The following ABCC9 variants were observed in gnomAD, a reference collection of about 807,000 sequenced individuals.
The protein encoded by ABCC9 is ATP-binding cassette sub-family C member 9.
A neutral mutation model predicts 188.3 loss-of-function variants in ABCC9; 95 were observed. The ratio of observed to expected loss-of-function variants is 0.50; its 90% CI spans 0.43 to 0.60. The LOEUF (loss-of-function observed/expected upper bound fraction) is 0.60. ABCC9 is among the 20% of genes least tolerant of loss of function. ABCC9 has a pLI of 0.00. For synonymous variants in ABCC9, 659 were observed against 652.7 expected (o/e 1.01, Z -0.15); for missense variants, 1,102 against 1,876.3 (o/e 0.59, Z 7.62).
In ABCC9 at chr12:21,926,069, A is replaced by G; in HGVS notation, c.285-6T>C. The G allele has an allele frequency of 6.2e-7, 1 of 1,614,066 alleles. No individual in the cohort carries two copies. The highest frequency in any genetic ancestry group is 1.1e-5 in the South Asian group (1 of 91,078). On this transcript the variant is annotated splice_polypyrimidine_tract_variant and splice_region_variant and intron_variant, in intron 4 of 39. Transcript: ENST00000261200. ...GGTGCCTTGATTCCCGCCGCCTAGA[A>G]AGAGCAGTACGTCAACGCCTAAAGC...
rs548990687 is a variant in ABCC9 at position 21,855,211 on chromosome 12, T to A, written c.2506-2706A>T. Reference sequence around the variant, plus strand: ...TTGACTGTCCATAAAATTCTGATATTTATTTATTTATTTATTTATTTATTT... The same window carrying A: ...TTGACTGTCCATAAAATTCTGATATATATTTATTTATTTATTTATTTATTT... On this transcript the variant is annotated intron_variant, in intron 22 of 39. Transcript: ENST00000261200. Among the ~76,000 whole-genome samples, 3 of 152,132 alleles carry A rather than the reference T, an allele frequency of 2.0e-5. 1 individual carries two copies. The highest frequency in any genetic ancestry group is 7.2e-5 in the African/African-American group (3 of 41,504).
intron 18 of ABCC9, among the ~76,000 whole-genome samples, chr12:21,865,066 G>A (rs1458204554): frequency 1.3e-5 from 2 of 151,972 alleles, no homozygotes; most frequent in East Asian, 3.9e-4. Context: ...GTCACAATTT[G>A]TTATGCCTGT....
chr12:21,883,282 G>T (rs986413241), intron 15 of ABCC9, among the ~76,000 whole-genome samples: 1 of 152,184 alleles, frequency 6.6e-6, no homozygotes, highest in Admixed American at 6.5e-5. Context: ...TGGCTGTTGC[G>T]GGAGGGACCT....
At chr12:21,854,018 G>A (rs2137455115) in intron 22 of ABCC9, among the ~76,000 whole-genome samples, 1 of 152,238 alleles carries the variant, frequency 6.6e-6, no homozygotes, top group Non-Finnish European at 1.5e-5. Flanking sequence ...TGTCTTATGG[G>A]CCCAAGAAAG....
intron 12 of ABCC9, among the ~76,000 whole-genome samples, chr12:21,900,736 G>A (rs1947703051): frequency 6.6e-6 from 1 of 152,056 alleles, no homozygotes; most frequent in Non-Finnish European, 1.5e-5. Context: ...TGAATGAAAT[G>A]AAGTGAGAAC....
intron 16 of ABCC9, among the ~76,000 whole-genome samples, chr12:21,880,275 G>A (rs1286080438): frequency 2.6e-5 from 4 of 152,072 alleles, no homozygotes; most frequent in Non-Finnish European, 4.4e-5. Context: ...AAGTTAAAAA[G>A]TGTAGCTTCA....
At chr12:21,901,040 AG>A (rs1156457909) in intron 12 of ABCC9, among the ~76,000 whole-genome samples, 1 of 152,196 alleles carries the variant, frequency 6.6e-6, no homozygotes, top group African/African-American at 2.4e-5. Flanking sequence ...AAAAATGTTA[AG>A]GGCAGCCAGA....
At chr12:21,810,040 C>A (rs1294614225) in intron 36 of ABCC9, 85 bp from the exon 37 acceptor site, 6 of 866,782 alleles carry the variant, frequency 6.9e-6, no homozygotes, top group Non-Finnish European at 1.1e-5. Flanking sequence ...TCTTTCCTTA[C>A]AATGTAAGTT....
chr12:21,904,981 T>TGC, intron 12 of ABCC9, among the ~76,000 whole-genome samples: 1 of 152,212 alleles, frequency 6.6e-6, no homozygotes, highest in South Asian at 2.1e-4. Context: ...CATTCACACA[T>TGC]GTGTTTATTG....
rs1164961986 is a variant in ABCC9 at position 21,812,045 on chromosome 12, C to T, written c.4211+4G>A. On this transcript the variant is annotated splice_donor_region_variant and intron_variant, in intron 36 of 39. Coordinates refer to ENST00000261200, the MANE Select transcript of ABCC9 (RefSeq NM_020297.4). ...ATACAGGTGTTGCTAAATATGTTAC[C>T]TACCTAATGGAACCACTGAATAGTA... 4 of 1,588,552 alleles carry T rather than the reference C, an allele frequency of 2.5e-6. No individual in the cohort carries two copies. In the Admixed American group the frequency reaches 6.7e-5, roughly 27 times the overall value.
At chr12:21,863,151 A>C in intron 19 of ABCC9, 97 bp from the exon 20 acceptor site, 3 of 803,904 alleles carry the variant, frequency 3.7e-6, no homozygotes, top group Non-Finnish European at 6.1e-6. Context: ...AAATTAGTAA[A>C]CTATCTCAGA....
Position 21,875,639 on chromosome 12 carries a change from A to G in ABCC9, c.2092+15T>C. 1.3e-6 allele frequency: 2 copies of G among 1,586,944 alleles called. No individual in the cohort carries two copies. Among genetic ancestry groups the G allele is most frequent in the East Asian group, 2.2e-5 (1 of 44,676 alleles). ...TCATGAACAATTACAAAAATGCATAACAGATAACTCTTACCTGTTGGAATT... is the reference window on the plus strand; with the variant it reads ...TCATGAACAATTACAAAAATGCATAGCAGATAACTCTTACCTGTTGGAATT... On this transcript the variant is annotated intron_variant, in intron 17 of 39. Coordinates refer to ENST00000261200, the MANE Select transcript of ABCC9 (RefSeq NM_020297.4).
In ABCC9 at chr12:21,807,451, A is replaced by G. The variant is rs146782703; in HGVS notation, c.4344T>C (p.Asn1448=). ...LDAVVTEGGE[N]FSVGQRQLFC... The stretch of plus-strand genomic sequence containing the variant: ...ATAGCTGTCTCTGTCCAACGCTAAA[A>G]TTCTCCCCACCTTCAGTGACAACCG... Residue 1448 remains asparagine, a synonymous_variant, in exon 38 of 40, where the codon AAT becomes AAC. Coordinates refer to ENST00000261200, the MANE Select transcript of ABCC9 (RefSeq NM_020297.4). The G allele has an allele frequency of 2.0e-5, 33 of 1,613,916 alleles. No individual in the cohort carries two copies. The African/African-American group carries it at 3.7e-4, about 18-fold the overall frequency.
chr12:21,912,846 TC>T, intron 8 of ABCC9, 25 bp downstream of exon 8: 1 of 1,606,194 alleles, frequency 6.2e-7, no homozygotes, highest in Non-Finnish European at 8.5e-7. Flanking sequence ...ATAATATGTT[TC>T]CATTGAAAAT....
chr12:21,857,550 A>C (rs1945288492), intron 22 of ABCC9, among the ~76,000 whole-genome samples: 1 of 152,144 alleles, frequency 6.6e-6, no homozygotes, highest in African/African-American at 2.4e-5. Flanking sequence ...TTATATGTCC[A>C]GCAGGATTTT....
At chr12:21,906,022 T>C (rs1948026338) in intron 12 of ABCC9, 104 bp downstream of exon 12, 2 of 1,312,828 alleles carry the variant, frequency 1.5e-6, no homozygotes, top group African/African-American at 2.9e-5. Flanking sequence ...ATAGGTGTCC[T>C]TGAAGAACTA....
intron 12 of ABCC9, among the ~76,000 whole-genome samples, chr12:21,901,067 A>C (rs949990853): frequency 4.0e-5 from 6 of 149,820 alleles, no homozygotes; most frequent in Middle Eastern, 3.2e-3. Flanking sequence ...AGGTCGGGTT[A>C]CCCACAAAGA....
At chr12:21,830,684 A>T (rs1943703680) in intron 30 of ABCC9, among the ~76,000 whole-genome samples, 1 of 152,202 alleles carries the variant, frequency 6.6e-6, no homozygotes, top group African/African-American at 2.4e-5. Flanking sequence ...GTCAAAAAAG[A>T]TAGATAATTC....
intron 31 of ABCC9, among the ~76,000 whole-genome samples, chr12:21,826,197 G>A (rs1943369396): frequency 6.6e-6 from 1 of 152,058 alleles, no homozygotes; most frequent in African/African-American, 2.4e-5. Flanking sequence ...AACAAAGAGG[G>A]GGTTGTGTTG....
Sources: gnomAD v4.1 joint callset for allele counts (sites outside exome capture counted in the v4.1 genomes callset) on GRCh38, gnomAD v4.1.1 for gene constraint, MANE v1.5 for transcripts, NCBI Gene and HGNC (gene_info 2026-07-23, HGNC 2026-07-21) for gene names.